SHISAL1: variants seen among roughly 807,000 people sequenced by gnomAD.
SHISAL1 encodes the protein protein shisa-like-1.
SHISAL1 carries 9 observed loss-of-function variants against 22.6 expected under a neutral mutation model. The ratio of observed to expected loss-of-function variants is 0.40; its 90% CI spans 0.24 to 0.70. The LOEUF is 0.70. SHISAL1 is among the 30% of genes least tolerant of loss of function. The probability of loss-of-function intolerance (pLI) is 0.39; values close to 1 mark genes in which losing one functional copy is unlikely to be tolerated. For missense variants in SHISAL1, 246 were observed against 270.6 expected (o/e 0.91, Z 0.64); for synonymous variants, 119 against 115.4 (o/e 1.03, Z -0.20).
In SHISAL1 at chr22:44,285,561, G is replaced by T; in HGVS notation, c.466C>A (p.Pro156Thr). 6.2e-7 allele frequency: 1 copy of T among 1,601,398 alleles called. No individual in the cohort carries two copies. Among genetic ancestry groups the T allele is most frequent in the Non-Finnish European group, 8.6e-7 (1 of 1,168,964 alleles). ...TGTGGGGCCCGCTGACCCGGCCGAGGGGCCCGAGCGGGGTTCCCCCACCGC... is the reference window on the plus strand; with the variant it reads ...TGTGGGGCCCGCTGACCCGGCCGAGTGGCCCGAGCGGGGTTCCCCCACCGC... ...PRRWGNPARA[P>T]RPGQRAPQPQ... is the part of the protein sequence containing the mutation. Residue 156 changes from proline (P) to threonine (T), a missense_variant, in exon 4 of 5, where the codon CCT (proline) becomes ACT (threonine). Pro to Thr is a conservative substitution (Grantham distance 38, BLOSUM62 -1). Coordinates refer to ENST00000381176, the MANE Select transcript of SHISAL1 (RefSeq NM_001099294.2).
chr22:44,328,487 C>A, the SHISAL1 span, among the ~76,000 whole-genome samples: 1 of 152,100 alleles, frequency 6.6e-6, no homozygotes, highest in African/African-American at 2.4e-5. Context: ...CAATTGTGAG[C>A]CTGTTCGGTG....
intron 4 of SHISAL1, among the ~76,000 whole-genome samples, chr22:44,279,311 C>A (rs1176482861): frequency 6.6e-6 from 1 of 152,218 alleles, no homozygotes; most frequent in African/African-American, 2.4e-5. Flanking sequence ...CAACTCCATC[C>A]CCACTCAGGA....
intron 1 of SHISAL1, among the ~76,000 whole-genome samples, chr22:44,301,696 C>G (rs181486021): frequency 1.1e-4 from 16 of 152,206 alleles, no homozygotes; most frequent in Admixed American, 9.8e-4. Flanking sequence ...AAAGGTGGCC[C>G]GTCACACAAT....
the SHISAL1 span, among the ~76,000 whole-genome samples, chr22:44,328,384 A>G: frequency 1.3e-5 from 2 of 152,290 alleles, no homozygotes; most frequent in East Asian, 3.9e-4. Flanking sequence ...TTAAGTGGGA[A>G]GCTGGGTTCC....
chr22:44,314,327 C>T (rs935800913), upstream of SHISAL1, among the ~76,000 whole-genome samples: 8 of 152,132 alleles, frequency 5.3e-5, no homozygotes, highest in Non-Finnish European at 7.3e-5. Context: ...GGTTTGAACA[C>T]GGGTTCAAGT....
At chr22:44,283,826 G>A (rs911048205) in intron 4 of SHISAL1, among the ~76,000 whole-genome samples, 1 of 152,180 alleles carries the variant, frequency 6.6e-6, no homozygotes, top group Non-Finnish European at 1.5e-5. Context: ...AGAGATGCCT[G>A]GTCAGTAGGC....
the SHISAL1 span, among the ~76,000 whole-genome samples, chr22:44,330,906 G>A: frequency 1.3e-5 from 2 of 151,960 alleles, no homozygotes; most frequent in African/African-American, 2.4e-5. Flanking sequence ...CCAGGGGCAC[G>A]CACTTGGGAG....
At chr22:44,270,077 C>T (rs2055196154) in intron 4 of SHISAL1, among the ~76,000 whole-genome samples, 1 of 152,262 alleles carries the variant, frequency 6.6e-6, no homozygotes, top group Admixed American at 6.5e-5. Flanking sequence ...CTGGGCCTCC[C>T]TGCCTCCATT....
intron 3 of SHISAL1, among the ~76,000 whole-genome samples, chr22:44,294,933 A>G (rs1394698885): frequency 6.6e-6 from 1 of 152,246 alleles, no homozygotes; most frequent in Non-Finnish European, 1.5e-5. Flanking sequence ...AATGCTATGA[A>G]AGAAAATCTG....
intron 4 of SHISAL1, among the ~76,000 whole-genome samples, chr22:44,258,758 C>T (rs2147271068): frequency 6.6e-6 from 1 of 152,296 alleles, no homozygotes; most frequent in East Asian, 1.9e-4. Flanking sequence ...AGGTCTTGCA[C>T]ATATAATGTT....
intron 3 of SHISAL1, 140 bp from the exon 4 acceptor site, chr22:44,285,885 G>C (rs934744628): frequency 2.8e-6 from 2 of 714,290 alleles, no homozygotes; most frequent in Non-Finnish European, 4.7e-6. Flanking sequence ...CCCCTCTGGA[G>C]GGCGGGGCCT....
intron 4 of SHISAL1, among the ~76,000 whole-genome samples, chr22:44,258,159 A>G (rs891055487): frequency 6.6e-6 from 1 of 152,166 alleles, no homozygotes; most frequent in Non-Finnish European, 1.5e-5. Context: ...TACAAAAATT[A>G]GCCAGGTGTG....
chr22:44,322,263 A>G, the SHISAL1 span, among the ~76,000 whole-genome samples: 12 of 152,344 alleles, frequency 7.9e-5, no homozygotes, highest in East Asian at 2.3e-3. Flanking sequence ...GGCTACGGTG[A>G]GCAGGTGAGG....
chr22:44,303,817 C>T (rs12160656), intron 1 of SHISAL1, among the ~76,000 whole-genome samples: 2,327 of 152,184 alleles, frequency 0.015, 51 homozygotes, highest in African/African-American at 0.04. Flanking sequence ...GAATCCCACC[C>T]GGGTGGGAGA....
chr22:44,319,944 G>C, the SHISAL1 span, among the ~76,000 whole-genome samples: 1 of 151,956 alleles, frequency 6.6e-6, no homozygotes, highest in Non-Finnish European at 1.5e-5. Context: ...ATCAGGTCTC[G>C]AGGGTGATGG....
At chr22:44,264,772 C>G (rs1201560803) in intron 4 of SHISAL1, among the ~76,000 whole-genome samples, 1 of 151,862 alleles carries the variant, frequency 6.6e-6, no homozygotes, top group Non-Finnish European at 1.5e-5. Context: ...ACGAGGTCCC[C>G]AACACACACA....
intron 1 of SHISAL1, among the ~76,000 whole-genome samples, chr22:44,312,199 GTTCGTTCA>G (rs2055523992): frequency 6.6e-6 from 1 of 152,166 alleles, no homozygotes; most frequent in Non-Finnish European, 1.5e-5. Context: ...GCATTCATTT[GTTCGTTCA>G]TTCATTCATT....
the SHISAL1 span, among the ~76,000 whole-genome samples, chr22:44,326,823 G>A: frequency 6.6e-6 from 1 of 152,080 alleles, no homozygotes; most frequent in Non-Finnish European, 1.5e-5. Context: ...CTGCTTCTGT[G>A]GATGGCTAGG....
chr22:44,303,437 A>T (rs1431235105), intron 1 of SHISAL1, among the ~76,000 whole-genome samples: 1 of 152,282 alleles, frequency 6.6e-6, no homozygotes, highest in Non-Finnish European at 1.5e-5. Flanking sequence ...CAATTTGGAC[A>T]CAGAAACACC....
Sources: gnomAD v4.1 joint callset for allele counts (sites outside exome capture counted in the v4.1 genomes callset) on GRCh38, gnomAD v4.1.1 for gene constraint, MANE v1.5 for transcripts, NCBI Gene and HGNC (gene_info 2026-07-23, HGNC 2026-07-21) for gene names.